Variants in POR observed in about 807,000 individuals in gnomAD.
POR encodes NADPH--cytochrome P450 reductase.
A neutral mutation model predicts 84.0 loss-of-function variants in POR; 56 were observed. The observed-to-expected ratio is 0.67, with a 90% CI of 0.54 to 0.83. The LOEUF (loss-of-function observed/expected upper bound fraction) is 0.83. POR is among the 40% of genes least tolerant of loss of function. The pLI is 0.00. For missense variants in POR, 938 were observed against 944.3 expected, an observed-to-expected ratio of 0.99 and a Z score of 0.09; for synonymous variants, 414 against 400.5, an observed-to-expected ratio of 1.03 and a Z score of -0.40.
chr7:75,918,642 G>A (rs1554548413), intron 1 of POR: 1 of 151,976 alleles, frequency 6.6e-6, no homozygotes, highest in Non-Finnish European at 1.5e-5. Context: ...GCTCTGGTTT[G>A]GGCACTTGAG....
At chr7:75,976,725 C>A (rs576905252) in intron 3 of POR, among the ~76,000 whole-genome samples, 1 of 150,648 alleles carries the variant, frequency 6.6e-6, no homozygotes, top group African/African-American at 2.4e-5. Context: ...CCAGCCTAGG[C>A]GACAAGAGCA....
At chr7:75,972,223 C>A (rs150153892) in intron 2 of POR, among the ~76,000 whole-genome samples, 190 bp from the exon 3 acceptor site, 1 of 152,052 alleles carries the variant, frequency 6.6e-6, no homozygotes, top group East Asian at 1.9e-4. Context: ...GGCCTGGGAG[C>A]CCTGGTGTTG....
At chr7:75,986,305 C>T in intron 15 of POR, 32 bp from the exon 16 acceptor site, 2 of 1,612,712 alleles carry the variant, frequency 1.2e-6, no homozygotes, top group African/African-American at 1.3e-5. Flanking sequence ...CCACAGTTGG[C>T]CCAGCCCCCA....
At chr7:75,933,383 T>TTG (rs1483707952) in intron 1 of POR, among the ~76,000 whole-genome samples, 2,682 of 87,504 alleles carry the variant, frequency 0.031, 162 homozygotes, top group African/African-American at 0.25. Context: ...TTTGTTTTTT[T>TTG]TTTTTTTTTT....
intron 1 of POR, among the ~76,000 whole-genome samples, chr7:75,942,593 C>T (rs1786971538): frequency 6.6e-6 from 1 of 151,700 alleles, no homozygotes; most frequent in South Asian, 2.1e-4. Context: ...TGGGAATTTC[C>T]TTCATACTTA....
At chr7:75,925,541 A>G (rs550030035) in intron 1 of POR, among the ~76,000 whole-genome samples, 1 of 152,254 alleles carries the variant, frequency 6.6e-6, no homozygotes, top group South Asian at 2.1e-4. Context: ...TTTTTTTAAA[A>G]AGTGCTTTTC....
chr7:75,959,343 T>C (rs1787832010), intron 2 of POR, among the ~76,000 whole-genome samples: 1 of 152,216 alleles, frequency 6.6e-6, no homozygotes, highest in East Asian at 1.9e-4. Context: ...AGGTGATTTC[T>C]GTTATAGCCA....
chr7:75,955,545 G>T (rs544666545), intron 2 of POR, among the ~76,000 whole-genome samples: 1 of 152,360 alleles, frequency 6.6e-6, no homozygotes, highest in African/African-American at 2.4e-5. Flanking sequence ...GACCTGCCAG[G>T]TCAGGTCTGA....
chr7:75,927,626 A>T (rs1299464275), intron 1 of POR, among the ~76,000 whole-genome samples: 1 of 151,610 alleles, frequency 6.6e-6, no homozygotes, highest in Non-Finnish European at 1.5e-5. Flanking sequence ...ACTGAATTTT[A>T]TACTTTAAAA....
intron 2 of POR, among the ~76,000 whole-genome samples, chr7:75,971,674 C>T (rs559248278): frequency 6.6e-6 from 1 of 152,146 alleles, no homozygotes; most frequent in African/African-American, 2.4e-5. Context: ...GAAATGTGGC[C>T]CAGTGCAGGG....
chr7:75,969,990 A>G (rs1788358443), intron 2 of POR, among the ~76,000 whole-genome samples: 1 of 152,070 alleles, frequency 6.6e-6, no homozygotes, highest in African/African-American at 2.4e-5. Flanking sequence ...GGCCTCTGGG[A>G]GAGGAAAGTT....
chr7:75,941,698 C>G (rs1267962929), intron 1 of POR, among the ~76,000 whole-genome samples: 1 of 152,114 alleles, frequency 6.6e-6, no homozygotes, highest in Non-Finnish European at 1.5e-5. Flanking sequence ...TCAAATAAGG[C>G]TGGTTGCGGT....
chr7:75,964,170 T>C (rs1554554881), intron 2 of POR, among the ~76,000 whole-genome samples: 1 of 151,752 alleles, frequency 6.6e-6, no homozygotes, highest in Non-Finnish European at 1.5e-5. Context: ...CAGCTAATTT[T>C]TGTATTTTGA....
Position 75,918,316 on chromosome 7 carries a change from A to C in POR, c.-5+3137A>C, listed in dbSNP as rs531474209. Among the ~76,000 whole-genome samples the C allele has an allele frequency of 3.2e-3, 488 of 152,118 alleles. 1 individual carries two copies. Among genetic ancestry groups the C allele is most frequent in the African/African-American group, 0.011 (468 of 41,500 alleles). ...GTGAGACTCTGTCTCAGAAAAAAAA[A>C]CCCAAAAAACAACAACTTGTTTTGC... On this transcript the variant is annotated intron_variant, in intron 1 of 15. Transcript: ENST00000461988.
At chr7:75,938,397 A>G (rs902469606) in intron 1 of POR, among the ~76,000 whole-genome samples, 7 of 152,126 alleles carry the variant, frequency 4.6e-5, no homozygotes, top group African/African-American at 1.7e-4. Context: ...CAGCTTCCCC[A>G]GGGCCAAACA....
intron 1 of POR, among the ~76,000 whole-genome samples, chr7:75,952,264 G>A (rs1407546596): frequency 2.7e-5 from 4 of 146,218 alleles, no homozygotes; most frequent in African/African-American, 5.1e-5. Context: ...CCTCCCGGAC[G>A]GGGCGGCTGG....
rs902577345 is a variant in POR, at chr7:75,961,987, C to G, written c.188+7807C>G. ...CATGGTTGTGCCACTGCACTCCAAC[C>G]TGGGTGACAGAACGAGACCCTGTCT... On this transcript the variant is annotated intron_variant, in intron 2 of 15. Coordinates refer to ENST00000461988, the MANE Select transcript of POR (RefSeq NM_000941.3). Among the ~76,000 whole-genome samples the G allele has an allele frequency of 1.8e-4, 28 of 151,882 alleles. 1 individual carries two copies. The highest frequency in any genetic ancestry group is 2.4e-5 in the African/African-American group (1 of 41,356).
At chr7:75,957,471 G>C (rs1173455277) in intron 2 of POR, among the ~76,000 whole-genome samples, 2 of 152,102 alleles carry the variant, frequency 1.3e-5, no homozygotes, top group Non-Finnish European at 2.9e-5. Context: ...ACTGGCCCTT[G>C]TTCCCTCATC....
At chr7:75,931,166 T>G (rs1176799740) in intron 1 of POR, among the ~76,000 whole-genome samples, 1 of 152,028 alleles carries the variant, frequency 6.6e-6, no homozygotes, top group East Asian at 1.9e-4. Flanking sequence ...ACAATCCAAG[T>G]ATCCATCACC....
Sources: allele counts gnomAD v4.1 joint callset (sites outside exome capture counted in the v4.1 genomes callset), GRCh38; gene constraint gnomAD v4.1.1; transcripts MANE v1.5; gene names NCBI Gene and HGNC (gene_info 2026-07-23, HGNC 2026-07-21).